Variants in CTDSPL2 observed in about 807,000 individuals in gnomAD.
The protein encoded by CTDSPL2 is CTD small phosphatase-like protein 2.
CTDSPL2 carries 5 observed loss-of-function variants against 60.0 expected under a neutral mutation model. The ratio of observed to expected loss-of-function variants is 0.08; its 90% CI spans 0.04 to 0.18. The LOEUF (loss-of-function observed/expected upper bound fraction) is 0.18, where lower values mean the gene tolerates loss of function less well. Ranked by LOEUF, CTDSPL2 falls within the 10% of genes least tolerant of loss-of-function variation. The pLI is 1.00. For missense variants in CTDSPL2, 370 were observed against 548.8 expected (o/e 0.67, Z 3.26); for synonymous variants, 186 against 189.3 (o/e 0.98, Z 0.14).
At chr15:44,453,012 A>C (rs1459030064) in intron 1 of CTDSPL2, among the ~76,000 whole-genome samples, 4 of 152,074 alleles carry the variant, frequency 2.6e-5, no homozygotes, top group African/African-American at 9.7e-5. Context: ...GTAGACGGCA[A>C]GTTTTTAATT....
intron 8 of CTDSPL2, among the ~76,000 whole-genome samples, chr15:44,509,205 T>C (rs1156974077): frequency 1.3e-5 from 2 of 152,138 alleles, no homozygotes; most frequent in African/African-American, 4.8e-5. Flanking sequence ...ATTTTTTTTA[T>C]TTTTTAATTT....
chr15:44,472,176 T>G lies in CTDSPL2; in HGVS notation c.187-12048T>G, dbSNP rs986495376. Among the ~76,000 whole-genome samples the G allele has an allele frequency of 2.6e-5, 4 of 152,232 alleles. No homozygotes were observed. The East Asian group carries it at 7.7e-4, about 29-fold the overall frequency. On this transcript the variant is annotated intron_variant, in intron 2 of 12. Transcript: ENST00000260327. Reference sequence around the variant, plus strand: ...GAACATTCATGTATACATTTTTGTATGGACATCTGTTTTCCGTTGTCTTGG... The same window carrying G: ...GAACATTCATGTATACATTTTTGTAGGGACATCTGTTTTCCGTTGTCTTGG...
At chr15:44,442,451 A>C (rs1408699713) in intron 1 of CTDSPL2, among the ~76,000 whole-genome samples, 1 of 151,854 alleles carries the variant, frequency 6.6e-6, no homozygotes, top group East Asian at 1.9e-4. Context: ...TGTCTCAAAA[A>C]AAAAAAAAAA....
At chr15:44,521,937 CAAAAAAAAAAAAAA>C (rs904398715) in intron 12 of CTDSPL2, among the ~76,000 whole-genome samples, 6 of 60,764 alleles carry the variant, frequency 9.9e-5, no homozygotes, top group Non-Finnish European at 5.1e-5. Flanking sequence ...GACTCCGTCT[CAAAAAAAAAAAAAA>C]AAAAAAAAAA....
chr15:44,493,150 G>A (rs1020060154), intron 5 of CTDSPL2, among the ~76,000 whole-genome samples: 1 of 152,072 alleles, frequency 6.6e-6, no homozygotes, highest in African/African-American at 2.4e-5. Context: ...TAATTGAAGA[G>A]CCAAATATAC....
chr15:44,446,326 C>T (rs2080214109), intron 1 of CTDSPL2, among the ~76,000 whole-genome samples: 2 of 152,090 alleles, frequency 1.3e-5, no homozygotes, highest in Admixed American at 6.6e-5. Flanking sequence ...AGACAAAAGG[C>T]AGAAGTAAAA....
intron 6 of CTDSPL2, among the ~76,000 whole-genome samples, chr15:44,496,741 G>T (rs922259865): frequency 1.3e-5 from 2 of 152,106 alleles, no homozygotes; most frequent in African/African-American, 4.8e-5. Context: ...CATGCCTGTA[G>T]TCCCAGCTAT....
chr15:44,474,702 A>G (rs1264536655), intron 2 of CTDSPL2, among the ~76,000 whole-genome samples: 1 of 151,836 alleles, frequency 6.6e-6, no homozygotes, highest in Admixed American at 6.6e-5. Context: ...CTAAAAATAT[A>G]AAAATTAACC....
chr15:44,429,824 C>G (rs116253923), intron 1 of CTDSPL2, among the ~76,000 whole-genome samples: 3,099 of 152,252 alleles, frequency 0.02, 114 homozygotes, highest in East Asian at 0.14. Flanking sequence ...TGAAGACCAC[C>G]CCACTGTACT....
At chr15:44,452,587 G>C (rs1331933957) in intron 1 of CTDSPL2, among the ~76,000 whole-genome samples, 1 of 151,900 alleles carries the variant, frequency 6.6e-6, no homozygotes, top group Non-Finnish European at 1.5e-5. Flanking sequence ...CAAAGAGTTT[G>C]GTGTATATTT....
intron 12 of CTDSPL2, among the ~76,000 whole-genome samples, chr15:44,523,624 A>G (rs866095748): frequency 6.6e-6 from 1 of 152,170 alleles, no homozygotes; most frequent in Non-Finnish European, 1.5e-5. Context: ...TCATTCGTTC[A>G]TTTATAAATA....
At chr15:44,442,216 C>T (rs1212555362) in intron 1 of CTDSPL2, among the ~76,000 whole-genome samples, 5 of 152,016 alleles carry the variant, frequency 3.3e-5, no homozygotes, top group East Asian at 1.9e-4. Context: ...TTTGGGAGGC[C>T]GAGGCGGGCA....
At chr15:44,498,885 A>G (rs2081344221) in intron 7 of CTDSPL2, among the ~76,000 whole-genome samples, 1 of 152,130 alleles carries the variant, frequency 6.6e-6, no homozygotes. Flanking sequence ...CATGAAACGT[A>G]ATTTGTGAGA....
At chr15:44,514,461 G>A (rs1214223060) in intron 8 of CTDSPL2, 137 bp from the exon 9 acceptor site, 1 of 620,390 alleles carries the variant, frequency 1.6e-6, no homozygotes, top group Non-Finnish European at 2.9e-6. Context: ...TGGTTTGAGT[G>A]GTACTTAGTT....
chr15:44,446,354 G>A (rs951946084), intron 1 of CTDSPL2, among the ~76,000 whole-genome samples: 15 of 152,180 alleles, frequency 9.9e-5, no homozygotes, highest in African/African-American at 3.6e-4. Context: ...CTGGCTGGGT[G>A]CGGTGGCTCA....
In CTDSPL2 at chr15:44,459,399, C is replaced by T. The variant is rs182837029; in HGVS notation, c.186+199C>T. On this transcript the variant is annotated intron_variant, in intron 2 of 12. Coordinates refer to ENST00000260327, the MANE Select transcript of CTDSPL2 (RefSeq NM_016396.3). ...AAAATTAGCCGGGCGAGGTGGCGGG[C>T]GCCTGTAGTCCCAGCTACTCGGGAG... Among the ~76,000 whole-genome samples, 193 of 152,108 alleles carry T rather than the reference C, an allele frequency of 1.3e-3. 1 individual carries two copies. The highest frequency in any genetic ancestry group is 1.3e-3 in the Non-Finnish European group (90 of 68,008).
At chr15:44,464,629 G>A (rs1259001834) in intron 2 of CTDSPL2, among the ~76,000 whole-genome samples, 1 of 152,078 alleles carries the variant, frequency 6.6e-6, no homozygotes, top group Admixed American at 6.5e-5. Flanking sequence ...GTCAGTCTTC[G>A]GTCTGTGTAT....
intron 1 of CTDSPL2, chr15:44,448,971 A>G (rs1595707185): frequency 4.9e-6 from 2 of 405,224 alleles, no homozygotes; most frequent in East Asian, 9.1e-5. Context: ...TATCCTCAAG[A>G]ATGTGCTCAG....
chr15:44,446,298 C>T lies in CTDSPL2; in HGVS notation c.-24-12693C>T, dbSNP rs1595703504. Among the ~76,000 whole-genome samples, 10 of 152,092 alleles carry T rather than the reference C, an allele frequency of 6.6e-5. No homozygotes were observed. In the South Asian group the frequency reaches 2.1e-3, roughly 32 times the overall value. On this transcript the variant is annotated intron_variant, in intron 1 of 12. Transcript: ENST00000260327. ...CCAGGGGTTCAGCTGAAAAATTACCCATTCCAATGGACCATTCAGACAAAA... is the reference window on the plus strand; with the variant it reads ...CCAGGGGTTCAGCTGAAAAATTACCTATTCCAATGGACCATTCAGACAAAA...
Sources: gnomAD v4.1 joint callset for allele counts (sites outside exome capture counted in the v4.1 genomes callset) on GRCh38, gnomAD v4.1.1 for gene constraint, MANE v1.5 for transcripts, NCBI Gene and HGNC (gene_info 2026-07-23, HGNC 2026-07-21) for gene names.